The following SH3PXD2A variants were observed in gnomAD, a reference collection of about 807,000 sequenced individuals.
SH3PXD2A encodes SH3 and PX domain-containing protein 2A.
In SH3PXD2A, 32 loss-of-function variants were observed where a neutral mutation model predicts 115.2. That is an observed-to-expected ratio of 0.28 (90% confidence interval 0.21 to 0.37). The LOEUF (loss-of-function observed/expected upper bound fraction) is 0.37. Among genes scored for constraint, SH3PXD2A ranks in the 10% least tolerant of loss-of-function variants. The pLI, the probability that SH3PXD2A is intolerant of heterozygous loss-of-function variation, is 1.00. For missense variants in SH3PXD2A, 1,328 were observed against 1,498.7 expected (o/e 0.89, Z 1.88); for synonymous variants, 610 against 629.1 (o/e 0.97, Z 0.45).
chr10:103,691,757 C>T (rs929725085), intron 6 of SH3PXD2A, among the ~76,000 whole-genome samples: 1 of 152,020 alleles, frequency 6.6e-6, no homozygotes, highest in African/African-American at 2.4e-5. Context: ...CACACACACA[C>T]CCCCAGCCTA....
At chr10:103,767,378 T>C (rs2038765086) in intron 2 of SH3PXD2A, among the ~76,000 whole-genome samples, 2 of 152,188 alleles carry the variant, frequency 1.3e-5, no homozygotes, top group Admixed American at 1.3e-4. Context: ...AGAGGGCATC[T>C]GATCAATCTC....
chr10:103,793,237 C>T (rs1258904894), intron 2 of SH3PXD2A, among the ~76,000 whole-genome samples: 3 of 152,144 alleles, frequency 2.0e-5, no homozygotes, highest in South Asian at 2.1e-4. Flanking sequence ...AGAGATGAGT[C>T]GGATACCAAT....
At chr10:103,843,781 T>C (rs755772609) in intron 1 of SH3PXD2A, among the ~76,000 whole-genome samples, 1 of 152,164 alleles carries the variant, frequency 6.6e-6, no homozygotes, top group Non-Finnish European at 1.5e-5. Flanking sequence ...GCTTTGTTCC[T>C]GAAGAGATCT....
chr10:103,638,120 G>A (rs949247873), intron 8 of SH3PXD2A, among the ~76,000 whole-genome samples: 3 of 152,158 alleles, frequency 2.0e-5, no homozygotes, highest in Non-Finnish European at 4.4e-5. Flanking sequence ...CACCCACACA[G>A]CCCCTGCCTT....
At position 103,598,351 on chromosome 10, in the gene SH3PXD2A, G is replaced by C. The variant is rs571433694; in HGVS notation, c.*3465C>G. On this transcript the variant is annotated 3_prime_UTR_variant, in exon 15 of 15. Coordinates refer to ENST00000369774, the MANE Select transcript of SH3PXD2A (RefSeq NM_001394015.1). ...TGGTGAGAATAGTGAGGAGGAGAGG[G>C]GCAACACAGCCAGGTCTGCTGTCAC... 1.3e-5 allele frequency: 2 copies of C among 152,506 alleles called. No individual in the cohort carries two copies. The highest frequency in any genetic ancestry group is 2.9e-5 in the Non-Finnish European group (2 of 68,046). 9.4% of individuals were successfully genotyped at this position (152,506 alleles called of 1,614,324 possible).
intron 5 of SH3PXD2A, among the ~76,000 whole-genome samples, chr10:103,694,421 G>A (rs2037801031): frequency 6.6e-6 from 1 of 152,184 alleles, no homozygotes; most frequent in Admixed American, 6.5e-5. Flanking sequence ...CAACATTGGA[G>A]TGTTTATTAA....
In SH3PXD2A at chr10:103,747,472, G is replaced by A. The variant is rs569830594; in HGVS notation, c.230-11664C>T. Among the ~76,000 whole-genome samples, 21 of 152,298 alleles carry A rather than the reference G, an allele frequency of 1.4e-4. No homozygotes were observed. The South Asian group carries it at 4.1e-3, about 30-fold the overall frequency. On this transcript the variant is annotated intron_variant, in intron 3 of 14. Coordinates refer to ENST00000369774, the MANE Select transcript of SH3PXD2A (RefSeq NM_001394015.1). ...CCCTCAGGAAAGACGGTGGGACGCTGGGCAGAGCTTCCTGGCAGCCTCTCC... is the reference window on the plus strand; with the variant it reads ...CCCTCAGGAAAGACGGTGGGACGCTAGGCAGAGCTTCCTGGCAGCCTCTCC...
At position 103,594,793 on chromosome 10, in the gene SH3PXD2A, C is replaced by T. The variant is rs2036110775; in HGVS notation, c.*7023G>A. ...TATATCCATGGATGAATGTTCATCA[C>T]ACCCAGTCTAATTCATACCAGGTGG... is the stretch of plus-strand genomic sequence containing the variant. On this transcript the variant is annotated 3_prime_UTR_variant, in exon 15 of 15. Coordinates refer to ENST00000369774, the MANE Select transcript of SH3PXD2A (RefSeq NM_001394015.1). 6.6e-6 allele frequency: 1 copy of T among 152,214 alleles called. No individual in the cohort carries two copies. The highest frequency in any genetic ancestry group is 6.5e-5 in the Admixed American group (1 of 15,286). The allele number at this position is 152,214 out of a possible 1,614,324, so 9.4% of individuals were successfully genotyped here. A position where few individuals can be genotyped will look rare whatever the true frequency, so the allele number is the denominator to read the frequency against.
At position 103,746,029 on chromosome 10, in the gene SH3PXD2A, G is replaced by A. The variant is rs569102886; in HGVS notation, c.230-10221C>T. On this transcript the variant is annotated intron_variant, in intron 3 of 14. Transcript: ENST00000369774. The surrounding 1 kb of genome is among the most constrained non-coding windows in gnomAD (Gnocchi z 4.4). Reference sequence around the variant, plus strand: ...GAAGCCTTCACCCTCCTGCAGCCACGGCTTGCTTGCAGAAAGCATCAGCGC... The same window carrying A: ...GAAGCCTTCACCCTCCTGCAGCCACAGCTTGCTTGCAGAAAGCATCAGCGC... 3.3e-5 allele frequency: 5 copies of A among 152,362 alleles called. No individual in the cohort carries two copies. Among genetic ancestry groups the A allele is most frequent in the South Asian group, 2.1e-4 (1 of 4,820 alleles). The allele number at this position is 152,362 out of a possible 1,614,324, so 9.4% of individuals were successfully genotyped here.
At chr10:103,767,816 T>TG (rs1564884180) in intron 2 of SH3PXD2A, among the ~76,000 whole-genome samples, 10 of 148,486 alleles carry the variant, frequency 6.7e-5, no homozygotes, top group African/African-American at 2.2e-4. Context: ...TTTTGTTTTT[T>TG]TTTTTTTTTT....
At chr10:103,723,913 GC>G (rs1357786955) in intron 5 of SH3PXD2A, among the ~76,000 whole-genome samples, 1 of 152,158 alleles carries the variant, frequency 6.6e-6, no homozygotes, top group East Asian at 1.9e-4. Flanking sequence ...ACAGCGAAGA[GC>G]AAGGACTGTG....
intron 9 of SH3PXD2A, among the ~76,000 whole-genome samples, chr10:103,625,721 G>A (rs750827555): frequency 1.3e-5 from 2 of 152,136 alleles, no homozygotes; most frequent in Admixed American, 6.5e-5. Context: ...GCGAGACCCC[G>A]TCTCTACTAA....
At chr10:103,726,107 C>T (rs535433042) in intron 4 of SH3PXD2A, among the ~76,000 whole-genome samples, 40 of 152,224 alleles carry the variant, frequency 2.6e-4, no homozygotes, top group East Asian at 7.7e-4. Flanking sequence ...AGCTGAGGGA[C>T]GGGGACAGGG....
chr10:103,677,743 C>T (rs909554112), intron 6 of SH3PXD2A, among the ~76,000 whole-genome samples: 6 of 152,266 alleles, frequency 3.9e-5, no homozygotes, highest in Middle Eastern at 6.8e-3. Flanking sequence ...CCTTCAAGGC[C>T]TTATCCCTGT....
chr10:103,741,252 A>G (rs960927406), intron 3 of SH3PXD2A, among the ~76,000 whole-genome samples: 1 of 152,218 alleles, frequency 6.6e-6, no homozygotes, highest in African/African-American at 2.4e-5. Flanking sequence ...TGGAAGACAG[A>G]AAAGAGAGGA....
At chr10:103,650,934 T>G (rs1203628957) in intron 8 of SH3PXD2A, among the ~76,000 whole-genome samples, 1 of 152,252 alleles carries the variant, frequency 6.6e-6, no homozygotes, top group African/African-American at 2.4e-5. Context: ...ACCCCAGTGC[T>G]GGCCATGCCA....
At chr10:103,704,062 C>T (rs531695850) in intron 5 of SH3PXD2A, among the ~76,000 whole-genome samples, 24 of 152,156 alleles carry the variant, frequency 1.6e-4, no homozygotes, top group East Asian at 5.8e-4. Flanking sequence ...TAACAGGGAG[C>T]GCATACACAG....
chr10:103,807,303 G>A (rs538727520), intron 1 of SH3PXD2A, among the ~76,000 whole-genome samples: 1 of 152,180 alleles, frequency 6.6e-6, no homozygotes, highest in African/African-American at 2.4e-5. Flanking sequence ...TTGCCCCCTT[G>A]GCTACAAAAT....
chr10:103,604,128 A>G (rs1353065070), intron 14 of SH3PXD2A, among the ~76,000 whole-genome samples: 3 of 152,092 alleles, frequency 2.0e-5, no homozygotes, highest in African/African-American at 7.2e-5. Flanking sequence ...TAGACTAAGG[A>G]CACGTATGAA....
Sources: gnomAD v4.1 joint callset for allele counts (sites outside exome capture counted in the v4.1 genomes callset) on GRCh38, gnomAD v4.1.1 for gene constraint, Gnocchi (gnomAD v3.1) non-coding constraint, MANE v1.5 for transcripts, NCBI Gene and HGNC (gene_info 2026-07-23, HGNC 2026-07-21) for gene names.